The following L3MBTL4 variants were observed in gnomAD, a reference collection of about 807,000 sequenced individuals.
L3MBTL4 encodes lethal(3)malignant brain tumor-like protein 4.
A neutral mutation model predicts 84.5 loss-of-function variants in L3MBTL4; 70 were observed. The observed-to-expected ratio is 0.83, with a 90% CI of 0.68 to 1.01. L3MBTL4 has a LOEUF of 1.01. Ranked by LOEUF, L3MBTL4 falls within the 50% of genes least tolerant of loss-of-function variation. L3MBTL4 has a pLI of 0.00. For missense variants in L3MBTL4, 715 were observed against 754.8 expected (o/e 0.95, Z 0.62); for synonymous variants, 274 against 259.8 (o/e 1.05, Z -0.52).
intron 13 of L3MBTL4, among the ~76,000 whole-genome samples, chr18:6,162,192 C>G (rs188308638): frequency 1.3e-5 from 2 of 151,856 alleles, no homozygotes; most frequent in Admixed American, 6.6e-5. Flanking sequence ...TTGTAAAAAT[C>G]CACTAAAGTA....
chr18:6,357,004 G>A (rs1339474818), intron 1 of L3MBTL4, among the ~76,000 whole-genome samples: 1 of 152,152 alleles, frequency 6.6e-6, no homozygotes, highest in Non-Finnish European at 1.5e-5. Context: ...TTTCAGCTCT[G>A]TTATAATCTT....
At chr18:6,174,824 C>A (rs529095412) in intron 12 of L3MBTL4, among the ~76,000 whole-genome samples, 3 of 145,906 alleles carry the variant, frequency 2.1e-5, no homozygotes. Flanking sequence ...GCCGAAATTG[C>A]GGCACTGCAC....
intron 1 of L3MBTL4, among the ~76,000 whole-genome samples, chr18:6,362,394 G>A (rs888554003): frequency 5.9e-5 from 9 of 152,120 alleles, no homozygotes; most frequent in African/African-American, 1.4e-4. Context: ...GAGAGCTCAC[G>A]TAGACCATCT....
At chr18:6,292,163 A>C (rs1160433572) in intron 4 of L3MBTL4, among the ~76,000 whole-genome samples, 1 of 152,192 alleles carries the variant, frequency 6.6e-6, no homozygotes, top group Non-Finnish European at 1.5e-5. Context: ...ATTAAAAATA[A>C]AAAAATAAAT....
At chr18:6,270,015 A>G (rs577370998) in intron 4 of L3MBTL4, among the ~76,000 whole-genome samples, 2 of 152,334 alleles carry the variant, frequency 1.3e-5, no homozygotes, top group East Asian at 3.9e-4. Flanking sequence ...CTTCATGGTG[A>G]TATTTCCATT....
chr18:6,284,001 C>T (rs966685339), intron 4 of L3MBTL4, among the ~76,000 whole-genome samples: 35 of 152,324 alleles, frequency 2.3e-4, no homozygotes, highest in African/African-American at 7.7e-4. Flanking sequence ...TCATTCTCTA[C>T]GTATGTGGCC....
chr18:6,343,742 C>G (rs2052730631), intron 1 of L3MBTL4, among the ~76,000 whole-genome samples: 1 of 147,652 alleles, frequency 6.8e-6, no homozygotes, highest in African/African-American at 2.5e-5. Context: ...AAATCAATAA[C>G]AAGAGGAAAA....
At chr18:6,038,294 C>T (rs1273636996) in intron 16 of L3MBTL4, among the ~76,000 whole-genome samples, 1 of 137,438 alleles carries the variant, frequency 7.3e-6, no homozygotes, top group East Asian at 2.3e-4. Context: ...TGCTCTGTCG[C>T]CCAAGCTGGA....
intron 1 of L3MBTL4, among the ~76,000 whole-genome samples, chr18:6,327,115 C>T (rs550127213): frequency 1.3e-5 from 2 of 152,288 alleles, no homozygotes; most frequent in South Asian, 4.1e-4. Flanking sequence ...AAAGGTAAGG[C>T]TCACCAAGTG....
chr18:6,139,826 C>A (rs1377752015), intron 13 of L3MBTL4, among the ~76,000 whole-genome samples: 1 of 152,108 alleles, frequency 6.6e-6, no homozygotes, highest in East Asian at 1.9e-4. Context: ...TCCTCAGGGC[C>A]ACACCTCTGA....
intron 16 of L3MBTL4, among the ~76,000 whole-genome samples, chr18:6,004,450 A>G (rs2054368564): frequency 6.6e-6 from 1 of 152,198 alleles, no homozygotes; most frequent in East Asian, 1.9e-4. Flanking sequence ...CCAAATATTT[A>G]AAGAACTATC....
chr18:6,167,423 C>A (rs1162591617), intron 13 of L3MBTL4, among the ~76,000 whole-genome samples: 1 of 152,176 alleles, frequency 6.6e-6, no homozygotes, highest in Non-Finnish European at 1.5e-5. Context: ...ATGCAAAAAT[C>A]CTCAATAGAA....
At position 6,323,896 on chromosome 18, in the gene L3MBTL4, A is replaced by G. The variant is rs756117441; in HGVS notation, c.-90-11840T>C. Among the ~76,000 whole-genome samples the G allele has an allele frequency of 3.3e-5, 5 of 151,958 alleles. 1 individual carries two copies. The highest frequency in any genetic ancestry group is 4.1e-4 in the South Asian group (2 of 4,824). ...ACAATAGGGAAAAGGCCCTGAAAGC[A>G]TTTCAGAGACATTCCTGGCAGCCCC... is the stretch of plus-strand genomic sequence containing the variant. On this transcript the variant is annotated intron_variant, in intron 1 of 18. Transcript: ENST00000317931.
At chr18:5,984,919 C>G (rs760268634) in intron 16 of L3MBTL4, among the ~76,000 whole-genome samples, 22 of 152,168 alleles carry the variant, frequency 1.4e-4, no homozygotes, top group Non-Finnish European at 2.9e-4. Context: ...AAAATAAAAA[C>G]TGCTGCTTGG....
intron 9 of L3MBTL4, among the ~76,000 whole-genome samples, chr18:6,238,569 A>C (rs1335682533): frequency 2.0e-5 from 3 of 152,156 alleles, no homozygotes; most frequent in Non-Finnish European, 4.4e-5. Flanking sequence ...AGGATTGCCA[A>C]GGGCCTGAAT....
At chr18:6,372,946 C>G (rs2054216311) in intron 1 of L3MBTL4, among the ~76,000 whole-genome samples, 1 of 152,170 alleles carries the variant, frequency 6.6e-6, no homozygotes, top group Admixed American at 6.5e-5. Flanking sequence ...AGATGACAAT[C>G]AATGGTTGTT....
intron 1 of L3MBTL4, among the ~76,000 whole-genome samples, chr18:6,390,622 T>C (rs55824713): frequency 0.01 from 1,566 of 152,160 alleles, 25 homozygotes; most frequent in African/African-American, 0.035. Flanking sequence ...TCAAATAAGC[T>C]GAATTAGAAA....
intron 16 of L3MBTL4, among the ~76,000 whole-genome samples, chr18:5,990,803 GT>G (rs2053661652): frequency 9.9e-5 from 15 of 151,686 alleles, no homozygotes; most frequent in Admixed American, 9.8e-4. Context: ...GTGTGTGTGT[GT>G]GATGGGCTAC....
At chr18:6,289,482 T>C (rs1166115429) in intron 4 of L3MBTL4, among the ~76,000 whole-genome samples, 2 of 152,188 alleles carry the variant, frequency 1.3e-5, no homozygotes, top group Non-Finnish European at 2.9e-5. Flanking sequence ...CCTTTTAGTT[T>C]CCCTAGTTTC....
Sources: gnomAD v4.1 joint callset for allele counts (sites outside exome capture counted in the v4.1 genomes callset) on GRCh38, gnomAD v4.1.1 for gene constraint, MANE v1.5 for transcripts, NCBI Gene and HGNC (gene_info 2026-07-23, HGNC 2026-07-21) for gene names.